The following MB21D2 variants were observed in gnomAD, a reference collection of about 807,000 sequenced individuals.
The protein encoded by MB21D2 is Mab-21 domain containing 2.
Under a neutral mutation model 33.3 loss-of-function variants are expected in MB21D2, and 9 were observed. The ratio of observed to expected loss-of-function variants is 0.27; its 90% CI spans 0.16 to 0.47. MB21D2 has a LOEUF of 0.47. Among genes scored for constraint, MB21D2 ranks in the 20% least tolerant of loss-of-function variants. The pLI is 0.99. For synonymous variants in MB21D2, 241 were observed against 236.3 expected (o/e 1.02, Z -0.18); for missense variants, 540 against 624.6 (o/e 0.86, Z 1.44).
chr3:192,810,328 C>T (rs962551004), intron 1 of MB21D2, among the ~76,000 whole-genome samples: 1 of 152,138 alleles, frequency 6.6e-6, no homozygotes, highest in African/African-American at 2.4e-5. Flanking sequence ...TAAAAGAGAC[C>T]TTGAATCGGT....
At chr3:192,911,119 T>C (rs915888732) in intron 1 of MB21D2, among the ~76,000 whole-genome samples, 2 of 152,322 alleles carry the variant, frequency 1.3e-5, no homozygotes, top group Admixed American at 1.3e-4. Context: ...CAGAATATTG[T>C]CCTTGTTAAA....
chr3:192,854,986 A>C (rs1180432473), intron 1 of MB21D2, among the ~76,000 whole-genome samples: 1 of 152,238 alleles, frequency 6.6e-6, no homozygotes. Flanking sequence ...TGTACAATAA[A>C]ACTAATGTTG....
intron 1 of MB21D2, among the ~76,000 whole-genome samples, chr3:192,898,471 G>C (rs1031134562): frequency 2.6e-5 from 4 of 152,076 alleles, no homozygotes; most frequent in African/African-American, 9.7e-5. Context: ...ACAAAGAGGT[G>C]GGAGACTAGG....
chr3:192,907,109 A>G (rs1355999499), intron 1 of MB21D2, among the ~76,000 whole-genome samples: 2 of 152,208 alleles, frequency 1.3e-5, no homozygotes, highest in Admixed American at 6.5e-5. Context: ...TGGATGAAAA[A>G]CAGATAGCTG....
intron 1 of MB21D2, among the ~76,000 whole-genome samples, chr3:192,813,734 CCA>C (rs1225509089): frequency 6.6e-6 from 1 of 152,116 alleles, no homozygotes; most frequent in African/African-American, 2.4e-5. Flanking sequence ...ACTAATCTGA[CCA>C]CACACAATTA....
intron 1 of MB21D2, among the ~76,000 whole-genome samples, chr3:192,872,071 G>A (rs556442043): frequency 6.6e-6 from 1 of 152,142 alleles, no homozygotes; most frequent in Non-Finnish European, 1.5e-5. Context: ...TAAAACTGAG[G>A]TGTGGAAATA....
intron 1 of MB21D2, among the ~76,000 whole-genome samples, chr3:192,858,068 T>C (rs1712958006): frequency 6.6e-6 from 1 of 152,098 alleles, no homozygotes; most frequent in South Asian, 2.1e-4. Context: ...GAGGTTGCGG[T>C]GAGCCAAGAT....
In MB21D2 at chr3:192,834,116, C is replaced by T. The variant is rs567239726; in HGVS notation, c.212-34466G>A. Reference sequence around the variant, plus strand: ...TGCCAATTTGTGTGAATGAATGAATCGAGTTCAGCAACACTGAGGTCCCTC... The same window carrying T: ...TGCCAATTTGTGTGAATGAATGAATTGAGTTCAGCAACACTGAGGTCCCTC... On this transcript the variant is annotated intron_variant, in intron 1 of 1. Coordinates refer to ENST00000392452, the MANE Select transcript of MB21D2 (RefSeq NM_178496.4). Among the ~76,000 whole-genome samples the T allele has an allele frequency of 3.3e-5, 5 of 152,006 alleles. No individual in the cohort carries two copies. In the East Asian group the frequency reaches 5.8e-4, roughly 18 times the overall value.
intron 1 of MB21D2, among the ~76,000 whole-genome samples, chr3:192,881,642 T>C (rs1713568429): frequency 6.6e-6 from 1 of 152,004 alleles, no homozygotes; most frequent in Non-Finnish European, 1.5e-5. Context: ...TGCAGAAGCT[T>C]ATGTCACAAA....
At chr3:192,880,066 C>T (rs746893650) in intron 1 of MB21D2, among the ~76,000 whole-genome samples, 5 of 152,086 alleles carry the variant, frequency 3.3e-5, no homozygotes, top group South Asian at 4.1e-4. Flanking sequence ...ACAATAAGGA[C>T]GGGCGCAGTG....
intron 1 of MB21D2, among the ~76,000 whole-genome samples, chr3:192,857,429 G>T (rs1359980652): frequency 6.6e-6 from 1 of 152,200 alleles, no homozygotes; most frequent in African/African-American, 2.4e-5. Flanking sequence ...AGATGCCAGA[G>T]GAGAAACAGC....
At chr3:192,876,745 T>C (rs1206540582) in intron 1 of MB21D2, among the ~76,000 whole-genome samples, 2 of 152,144 alleles carry the variant, frequency 1.3e-5, no homozygotes, top group Non-Finnish European at 2.9e-5. Context: ...CCTTTGAACA[T>C]AATATGTTCT....
intron 1 of MB21D2, among the ~76,000 whole-genome samples, chr3:192,807,572 C>T (rs1339564286): frequency 6.6e-6 from 1 of 152,044 alleles, no homozygotes; most frequent in African/African-American, 2.4e-5. Context: ...ATGTCAACTA[C>T]TTAATTACTC....
At chr3:192,916,918 G>A (rs1714479450) in intron 1 of MB21D2, among the ~76,000 whole-genome samples, 1 of 152,214 alleles carries the variant, frequency 6.6e-6, no homozygotes, top group African/African-American at 2.4e-5. Context: ...AGAGCTCCGC[G>A]CCTAGTCACG....
chr3:192,917,583 C>G (rs1714497140), intron 1 of MB21D2, 47 bp downstream of exon 1: 1 of 1,593,300 alleles, frequency 6.3e-7, no homozygotes, highest in African/African-American at 1.3e-5. Context: ...CTCCGCTTCC[C>G]ATCACACACA....
chr3:192,810,918 T>C (rs531264868), intron 1 of MB21D2, among the ~76,000 whole-genome samples: 21 of 152,226 alleles, frequency 1.4e-4, no homozygotes, highest in Non-Finnish European at 2.1e-4. Context: ...CATGTGCGTA[T>C]GACTTTGTTG....
At chr3:192,907,048 C>G (rs978138879) in intron 1 of MB21D2, among the ~76,000 whole-genome samples, 4 of 152,200 alleles carry the variant, frequency 2.6e-5, no homozygotes, top group African/African-American at 9.6e-5. Context: ...AGCACTATCC[C>G]TAGTTATCTC....
At chr3:192,875,899 T>TA (rs1713418378) in intron 1 of MB21D2, among the ~76,000 whole-genome samples, 1 of 152,186 alleles carries the variant, frequency 6.6e-6, no homozygotes, top group Admixed American at 6.5e-5. Flanking sequence ...CATGTTTTTT[T>TA]AGAGGTTACT....
At chr3:192,905,051 G>A in intron 1 of MB21D2, among the ~76,000 whole-genome samples, 1 of 152,234 alleles carries the variant, frequency 6.6e-6, no homozygotes, top group East Asian at 1.9e-4. Context: ...AAACTGTTGA[G>A]TTGCCTTTAT....
Sources: allele counts gnomAD v4.1 joint callset (sites outside exome capture counted in the v4.1 genomes callset), GRCh38; gene constraint gnomAD v4.1.1; transcripts MANE v1.5; gene names NCBI Gene and HGNC (gene_info 2026-07-23, HGNC 2026-07-21).